KIZ: variants seen among roughly 807,000 people sequenced by gnomAD.
KIZ encodes the protein kizuna centrosomal protein.
KIZ carries 68 observed loss-of-function variants against 79.6 expected under a neutral mutation model. That is an observed-to-expected ratio of 0.85 (90% CI 0.70 to 1.05). KIZ has a LOEUF of 1.05. KIZ is among the 50% of genes least tolerant of loss of function. The pLI, the probability that KIZ is intolerant of heterozygous loss-of-function variation, is 0.00. For missense variants in KIZ, 797 were observed against 800.4 expected, an observed-to-expected ratio of 1.00 and a Z score of 0.05; for synonymous variants, 280 against 281.8, an observed-to-expected ratio of 0.99 and a Z score of 0.06.
At chr20:21,152,579 A>G (rs1415797259) in intron 4 of KIZ, among the ~76,000 whole-genome samples, 1 of 152,222 alleles carries the variant, frequency 6.6e-6, no homozygotes, top group African/African-American at 2.4e-5. Context: ...GAATTGTATT[A>G]TAAAAAGAAA....
In KIZ at chr20:21,232,775, A is replaced by G. The variant is rs745666708; in HGVS notation, c.1825A>G (p.Asn609Asp). The change falls in exon 11 of 13, where the codon AAC becomes GAC. Residue 609 changes from asparagine (N) to aspartate (D), a missense_variant. Physicochemically the swap from Asn to Asp is conservative, Grantham distance 23 (BLOSUM62 1). Transcript: ENST00000619189. ...CGGTGCATTCGAGACAAAGACAGCTAACAAAATTGCTTCGGAAGCTAGTTT... is the reference window on the plus strand; with the variant it reads ...CGGTGCATTCGAGACAAAGACAGCTGACAAAATTGCTTCGGAAGCTAGTTT... The part of the protein sequence containing the change: ...GSGAFETKTA[N>D]KIASEASFSS... 1 of 1,596,048 alleles carries G rather than the reference A, an allele frequency of 6.3e-7. No homozygotes were observed. The highest frequency in any genetic ancestry group is 1.1e-5 in the South Asian group (1 of 88,246).
chr20:21,143,867 T>G (rs1450520154), intron 3 of KIZ, among the ~76,000 whole-genome samples: 5 of 152,070 alleles, frequency 3.3e-5, no homozygotes, highest in South Asian at 4.2e-4. Flanking sequence ...TATGCAAAAA[T>G]AAAAAAGAAA....
chr20:21,176,326 C>G (rs913620102), intron 6 of KIZ, among the ~76,000 whole-genome samples: 8 of 151,932 alleles, frequency 5.3e-5, no homozygotes, highest in Non-Finnish European at 1.2e-4. Context: ...GTCAATCAAT[C>G]AATCAATCAA....
intron 11 of KIZ, among the ~76,000 whole-genome samples, chr20:21,238,615 C>T (rs2037113854): frequency 6.6e-6 from 1 of 152,138 alleles, no homozygotes; most frequent in Non-Finnish European, 1.5e-5. Flanking sequence ...GCTCTTGGCA[C>T]ATGCTGGAGG....
intron 6 of KIZ, among the ~76,000 whole-genome samples, chr20:21,179,840 T>G (rs2034580248): frequency 6.6e-6 from 1 of 152,070 alleles, no homozygotes; most frequent in African/African-American, 2.4e-5. Context: ...GTTAGTGTGT[T>G]GTTTAATTTC....
intron 9 of KIZ, among the ~76,000 whole-genome samples, chr20:21,216,063 A>T (rs763937055): frequency 1.1e-4 from 17 of 152,230 alleles, no homozygotes; most frequent in Non-Finnish European, 2.2e-4. Context: ...AATGTCAGAT[A>T]GGAAGCTTGC....
At chr20:21,199,892 C>T (rs569626375) in intron 6 of KIZ, among the ~76,000 whole-genome samples, 1 of 152,142 alleles carries the variant, frequency 6.6e-6, no homozygotes, top group Non-Finnish European at 1.5e-5. Context: ...GATCTTGGCT[C>T]ACTGCAACCT....
At chr20:21,199,448 T>C (rs994332886) in intron 6 of KIZ, among the ~76,000 whole-genome samples, 1 of 152,232 alleles carries the variant, frequency 6.6e-6, no homozygotes, top group African/African-American at 2.4e-5. Flanking sequence ...CTGCTACAGC[T>C]AGAATTGCTG....
intron 3 of KIZ, among the ~76,000 whole-genome samples, chr20:21,137,610 G>A (rs2032270924): frequency 6.6e-6 from 1 of 150,678 alleles, no homozygotes; most frequent in South Asian, 2.1e-4. Context: ...TAAATATCTT[G>A]TTATATTTGC....
chr20:21,183,942 T>C (rs888029013), intron 6 of KIZ, among the ~76,000 whole-genome samples: 1 of 152,158 alleles, frequency 6.6e-6, no homozygotes, highest in Non-Finnish European at 1.5e-5. Flanking sequence ...GAGGCTGTCA[T>C]TGGCTCTGAC....
intron 11 of KIZ, among the ~76,000 whole-genome samples, chr20:21,237,060 G>A (rs912311337): frequency 1.3e-5 from 2 of 151,650 alleles, no homozygotes; most frequent in Non-Finnish European, 2.9e-5. Flanking sequence ...CCAGTACTTT[G>A]GGAGGCCAAG....
At chr20:21,147,637 G>A (rs2032915027) in intron 4 of KIZ, among the ~76,000 whole-genome samples, 1 of 152,208 alleles carries the variant, frequency 6.6e-6, no homozygotes, top group African/African-American at 2.4e-5. Context: ...TCTTTGAGAA[G>A]CAACAGTAGG....
At chr20:21,173,577 CAAAAAAA>C (rs749330317) in intron 6 of KIZ, among the ~76,000 whole-genome samples, 1 of 37,328 alleles carries the variant, frequency 2.7e-5, no homozygotes, top group Non-Finnish European at 6.8e-5. Context: ...GATGCCGTCT[CAAAAAAA>C]AAAAAAAAAA....
chr20:21,161,372 T>C (rs2122676645), intron 4 of KIZ, among the ~76,000 whole-genome samples: 1 of 152,312 alleles, frequency 6.6e-6, no homozygotes, highest in East Asian at 1.9e-4. Flanking sequence ...AGATGGAGTC[T>C]CCAGGCTGGA....
At position 21,184,069 on chromosome 20, in the gene KIZ, C is replaced by T. The variant is rs115927909; in HGVS notation, c.1352+20910C>T. Among the ~76,000 whole-genome samples, 467 of 151,902 alleles carry T rather than the reference C, an allele frequency of 3.1e-3. 5 individuals carry two copies. Among genetic ancestry groups the T allele is most frequent in the African/African-American group, 0.011 (455 of 41,470 alleles). ...GGGTTAGGATAGGGGAGTAGTGGTT[C>T]GTCAGAATAAAACTGGGTTCTGTTA... On this transcript the variant is annotated intron_variant, in intron 6 of 12. Transcript: ENST00000619189.
chr20:21,126,018 C>A (rs1174586775), upstream of KIZ: 6 of 1,336,264 alleles, frequency 4.5e-6, no homozygotes, highest in Non-Finnish European at 5.8e-6. Flanking sequence ...CGGCCCGGCG[C>A]GGTGTTTACC....
intron 12 of KIZ, chr20:21,245,859 G>A (rs1269236818): frequency 1.3e-5 from 2 of 152,364 alleles, no homozygotes; most frequent in African/African-American, 2.4e-5. Flanking sequence ...GGACAATCTG[G>A]GGAGAGTTCT....
chr20:21,126,297 G>T, intron 1 of KIZ, 93 bp downstream of exon 1: 3 of 901,626 alleles, frequency 3.3e-6, no homozygotes, highest in Non-Finnish European at 3.1e-6. Flanking sequence ...CCCGTCCGAG[G>T]TTCCCCGGGG....
chr20:21,228,952 A>G (rs2036740381), intron 9 of KIZ, 59 bp from the exon 10 acceptor site: 3 of 899,278 alleles, frequency 3.3e-6, no homozygotes, highest in Non-Finnish European at 5.2e-6. Flanking sequence ...AAGAATTTAA[A>G]AAGCTTCTTT....
Sources: gnomAD v4.1 joint callset for allele counts (sites outside exome capture counted in the v4.1 genomes callset) on GRCh38, gnomAD v4.1.1 for gene constraint, MANE v1.5 for transcripts, NCBI Gene and HGNC (gene_info 2026-07-23, HGNC 2026-07-21) for gene names.